PIP5K1B: variants seen among roughly 807,000 people sequenced by gnomAD.
PIP5K1B encodes the protein phosphatidylinositol 4-phosphate 5-kinase type-1 beta.
PIP5K1B carries 42 observed loss-of-function variants against 67.0 expected under a neutral mutation model. The ratio of observed to expected loss-of-function variants is 0.63; its 90% confidence interval spans 0.49 to 0.81. PIP5K1B has a LOEUF of 0.81. PIP5K1B is among the 30% of genes least tolerant of loss of function. The pLI is 0.00. For missense variants in PIP5K1B, 459 were observed against 646.3 expected, an observed-to-expected ratio of 0.71 and a Z score of 3.14; for synonymous variants, 214 against 231.4, an observed-to-expected ratio of 0.92 and a Z score of 0.68.
chr9:68,878,037 G>C (rs1466224358), intron 6 of PIP5K1B, among the ~76,000 whole-genome samples: 3 of 152,004 alleles, frequency 2.0e-5, no homozygotes, highest in Non-Finnish European at 4.4e-5. Context: ...GTGTGTGTGT[G>C]TGTGTGTGTG....
chr9:68,736,315 T>G (rs537309498), intron 1 of PIP5K1B, among the ~76,000 whole-genome samples: 9 of 152,364 alleles, frequency 5.9e-5, no homozygotes, highest in African/African-American at 2.2e-4. Context: ...TCTATTAATC[T>G]TGATCTATTT....
chr9:68,727,011 A>G (rs1828185322), intron 1 of PIP5K1B, among the ~76,000 whole-genome samples: 16 of 151,834 alleles, frequency 1.1e-4, no homozygotes. Context: ...CATATTTTTT[A>G]TATAGACAAT....
chr9:68,943,489 C>T (rs960710159), intron 14 of PIP5K1B, among the ~76,000 whole-genome samples: 3 of 152,132 alleles, frequency 2.0e-5, no homozygotes, highest in Non-Finnish European at 2.9e-5. Context: ...GCAAACTTCA[C>T]CAACAAACCA....
intron 14 of PIP5K1B, among the ~76,000 whole-genome samples, chr9:68,968,202 C>T (rs1426881366): frequency 6.6e-6 from 1 of 152,080 alleles, no homozygotes; most frequent in Non-Finnish European, 1.5e-5. Flanking sequence ...ATGTTTAAAT[C>T]AAGGATCAAA....
intron 12 of PIP5K1B, among the ~76,000 whole-genome samples, chr9:68,930,006 C>T (rs1188927233): frequency 6.6e-6 from 1 of 152,246 alleles, no homozygotes; most frequent in Non-Finnish European, 1.5e-5. Context: ...GCATGTGAGA[C>T]CACTGATAGC....
chr9:68,714,377 T>C (rs1190993109), intron 1 of PIP5K1B, among the ~76,000 whole-genome samples: 5 of 152,180 alleles, frequency 3.3e-5, no homozygotes, highest in Non-Finnish European at 7.4e-5. Flanking sequence ...TGTCTATTGA[T>C]TTTGCTTCCT....
At chr9:68,708,529 C>G (rs955809760) in intron 1 of PIP5K1B, among the ~76,000 whole-genome samples, 7 of 128,256 alleles carry the variant, frequency 5.5e-5, no homozygotes, top group African/African-American at 9.6e-5. Flanking sequence ...ATGTTATGCT[C>G]TTTTGTTTGC....
intron 2 of PIP5K1B, among the ~76,000 whole-genome samples, chr9:68,747,160 C>T (rs1024362304): frequency 6.6e-6 from 1 of 151,118 alleles, no homozygotes; most frequent in South Asian, 2.1e-4. Context: ...ACAAGTTTTA[C>T]TCCGTATAAG....
intron 6 of PIP5K1B, among the ~76,000 whole-genome samples, chr9:68,884,986 ATGG>A (rs1285312021): frequency 6.6e-6 from 1 of 152,232 alleles, no homozygotes; most frequent in Non-Finnish European, 1.5e-5. Flanking sequence ...GGAAATCAGT[ATGG>A]CGAAGAGATG....
intron 1 of PIP5K1B, chr9:68,707,737 G>T (rs1827189781): frequency 6.6e-6 from 1 of 152,048 alleles, no homozygotes; most frequent in African/African-American, 2.4e-5. Flanking sequence ...CATCATTTCA[G>T]TTCTGATAGC....
rs567876957 is a variant in PIP5K1B, at chr9:68,834,234, A to G, written c.69+11551A>G. On this transcript the variant is annotated intron_variant, in intron 4 of 15. Transcript: ENST00000265382. ...ACCATCTCCTGCCATTATCTTGGAC[A>G]CGCACCTAACTGCGGCCGCACTGAA... Among the ~76,000 whole-genome samples, 4 of 152,278 alleles carry G rather than the reference A, an allele frequency of 2.6e-5. No homozygotes were observed. The South Asian group carries it at 6.2e-4, about 24-fold the overall frequency.
chr9:68,828,719 G>A (rs1834121153), intron 4 of PIP5K1B, among the ~76,000 whole-genome samples: 1 of 152,210 alleles, frequency 6.6e-6, no homozygotes, highest in Non-Finnish European at 1.5e-5. Flanking sequence ...TGGTAACACT[G>A]TCTGTCTCCA....
Position 68,820,005 on chromosome 9 carries a change from C to A in PIP5K1B, c.-1+1460C>A, listed in dbSNP as rs181372855. Among the ~76,000 whole-genome samples the A allele has an allele frequency of 1.4e-4, 21 of 152,298 alleles. No homozygotes were observed. In the East Asian group the frequency reaches 3.5e-3, roughly 25 times the overall value. Reference sequence around the variant, plus strand: ...ATGATTCACAAAGTAATAAAAAGTACTTTAAGACCATCTCATCCTCCGTCC... The same window carrying A: ...ATGATTCACAAAGTAATAAAAAGTAATTTAAGACCATCTCATCCTCCGTCC... On this transcript the variant is annotated intron_variant, in intron 3 of 15. Coordinates refer to ENST00000265382, the MANE Select transcript of PIP5K1B (RefSeq NM_003558.4).
At chr9:68,958,050 T>C (rs1277476047) in intron 14 of PIP5K1B, among the ~76,000 whole-genome samples, 1 of 152,100 alleles carries the variant, frequency 6.6e-6, no homozygotes, top group Non-Finnish European at 1.5e-5. Context: ...TTTTTGTGTT[T>C]TTTGTAGAGA....
At chr9:68,983,927 A>T (rs992084601) in intron 14 of PIP5K1B, among the ~76,000 whole-genome samples, 2 of 152,192 alleles carry the variant, frequency 1.3e-5, no homozygotes, top group Non-Finnish European at 2.9e-5. Context: ...ATGGTGGCAC[A>T]TGCCTTTAGT....
rs936222476 is a variant in PIP5K1B, at chr9:68,828,957, C to G, written c.69+6274C>G. On this transcript the variant is annotated intron_variant, in intron 4 of 15. Transcript: ENST00000265382. ...TCTCTACTAAAAATACAAAAATTTG[C>G]TGGGCACGGTGGTGCAAGCCTGTGA... is the stretch of plus-strand genomic sequence containing the variant. Among the ~76,000 whole-genome samples the G allele has an allele frequency of 4.6e-5, 7 of 152,124 alleles. No homozygotes were observed. The East Asian group carries it at 1.3e-3, about 29-fold the overall frequency.
intron 8 of PIP5K1B, among the ~76,000 whole-genome samples, chr9:68,907,110 G>A (rs2132466757): frequency 6.6e-6 from 1 of 152,332 alleles, no homozygotes. Flanking sequence ...TTATCAGTTA[G>A]TAATATTGCA....
At chr9:68,849,063 A>C (rs562896261) in intron 4 of PIP5K1B, among the ~76,000 whole-genome samples, 2 of 152,352 alleles carry the variant, frequency 1.3e-5, no homozygotes, top group Admixed American at 1.3e-4. Context: ...TCTTGGCAGT[A>C]CCTACCAAAA....
rs71353094 is a variant in PIP5K1B, at chr9:68,925,795, ATT to A, written c.1201+2428_1201+2429del. Among the ~76,000 whole-genome samples the A allele has an allele frequency of 3.0e-4, 22 of 73,278 alleles. 2 individuals carry two copies. The East Asian group carries it at 3.8e-3, about 13-fold the overall frequency. 48.1% of individuals were successfully genotyped at this position (73,278 alleles called of 152,430 possible). A position where few individuals can be genotyped will look rare whatever the true frequency, so the allele number is the denominator to read the frequency against. The stretch of plus-strand genomic sequence containing the variant: ...ACATGAATACCAGCTTGTGGTTCCA[ATT>A]TTTTTTTTTTTTTTTTTTGAGACAG... On this transcript the variant is annotated intron_variant, in intron 12 of 15. Coordinates refer to ENST00000265382, the MANE Select transcript of PIP5K1B (RefSeq NM_003558.4).
Sources: gnomAD v4.1 joint callset for allele counts (sites outside exome capture counted in the v4.1 genomes callset) on GRCh38, gnomAD v4.1.1 for gene constraint, MANE v1.5 for transcripts, NCBI Gene and HGNC (gene_info 2026-07-23, HGNC 2026-07-21) for gene names.